The following CELSR1 variants were observed in gnomAD, a reference collection of about 807,000 sequenced individuals.
CELSR1 encodes cadherin EGF LAG seven-pass G-type receptor 1.
CELSR1 carries 110 observed loss-of-function variants against 249.1 expected under a neutral mutation model. The observed-to-expected ratio is 0.44, with a 90% CI of 0.38 to 0.52. CELSR1 has a LOEUF of 0.52. Among genes scored for constraint, CELSR1 ranks in the 20% least tolerant of loss-of-function variants. CELSR1 has a pLI of 0.00. For synonymous variants in CELSR1, 2,113 were observed against 1,900.0 expected (o/e 1.11, Z -2.92); for missense variants, 4,109 against 4,296.4 (o/e 0.96, Z 1.22).
chr22:46,474,812 G>A (rs1374272737), intron 1 of CELSR1, among the ~76,000 whole-genome samples: 5 of 13,548 alleles, frequency 3.7e-4, no homozygotes, highest in African/African-American at 9.0e-4. Context: ...TTTTTGAGAC[G>A]GAGTCTCACT....
At position 46,518,778 on chromosome 22, in the gene CELSR1, A is replaced by C. The variant is rs960118398; in HGVS notation, c.3544+14849T>G. Reference sequence around the variant, plus strand: ...TGGCTGGGCGCGGTGGCTCGCCTGTAATCCAGCACTTTGGGAGGCCAAGGC... The same window carrying C: ...TGGCTGGGCGCGGTGGCTCGCCTGTCATCCAGCACTTTGGGAGGCCAAGGC... On this transcript the variant is annotated intron_variant, in intron 1 of 34. Transcript: ENST00000674500. This position sits in a 1 kb window ranked among gnomAD's most constrained non-coding sequence, Gnocchi z 5.2. Among the ~76,000 whole-genome samples, 5 of 152,116 alleles carry C rather than the reference A, an allele frequency of 3.3e-5. No individual in the cohort carries two copies. Among genetic ancestry groups the C allele is most frequent in the Admixed American group, 2.6e-4 (4 of 15,260 alleles).
chr22:46,515,338 A>G (rs561079239), intron 1 of CELSR1, among the ~76,000 whole-genome samples: 22 of 152,358 alleles, frequency 1.4e-4, no homozygotes, highest in African/African-American at 5.3e-4. Flanking sequence ...CTCAGTGCGT[A>G]TCACAAAGGC....
chr22:46,502,404 AGAGGGAAGGGGAAAGGGGAGGGAAGGG>A, intron 1 of CELSR1, among the ~76,000 whole-genome samples: 1 of 123,174 alleles, frequency 8.1e-6, no homozygotes, highest in East Asian at 3.1e-4. Flanking sequence ...AGTGGAAAGA[AGAGGGAAGGGGAAAGGGGAGGGAAGGG>A]GAGGGAAGGG....
At chr22:46,528,821 C>G (rs924484165) in intron 1 of CELSR1, among the ~76,000 whole-genome samples, 52 of 151,258 alleles carry the variant, frequency 3.4e-4, no homozygotes, top group Non-Finnish European at 5.2e-4. Flanking sequence ...CCCAGCTACT[C>G]GGGAGGCTGA....
In CELSR1 at chr22:46,440,778, G is replaced by A. The variant is rs564472154; in HGVS notation, c.4184-1367C>T. On this transcript the variant is annotated intron_variant, in intron 2 of 34. Transcript: ENST00000674500. The surrounding 1 kb of genome is among the most constrained non-coding windows in gnomAD (Gnocchi z 4.7). ...TAACATTAGGTTTTATGTATTTGTA[G>A]CCCCACAGAAATTTTTTGTCTGTAT... Among the ~76,000 whole-genome samples, 6 of 152,168 alleles carry A rather than the reference G, an allele frequency of 3.9e-5. No individual in the cohort carries two copies. In the East Asian group the frequency reaches 1.2e-3, roughly 29 times the overall value.
chr22:46,508,920 T>C (rs1048657512), intron 1 of CELSR1, among the ~76,000 whole-genome samples: 3 of 152,028 alleles, frequency 2.0e-5, no homozygotes, highest in Admixed American at 6.6e-5. Flanking sequence ...GCGGCTACGA[T>C]GGTCAAAGCA....
At position 46,412,229 on chromosome 22, in the gene CELSR1, G is replaced by A. The variant is rs543123163; in HGVS notation, c.4612-470C>T. Among the ~76,000 whole-genome samples, 3 of 152,246 alleles carry A rather than the reference G, an allele frequency of 2.0e-5. No homozygotes were observed. The highest frequency in any genetic ancestry group is 3.9e-4 in the East Asian group (2 of 5,176). ...CCCCTTCAGCCTTCGGAGGAGGCAC[G>A]GCCCTACCCGCGCCTTGACTTCTAG... is the stretch of plus-strand genomic sequence containing the variant. On this transcript the variant is annotated intron_variant, in intron 5 of 34. Coordinates refer to ENST00000674500, the MANE Select transcript of CELSR1 (RefSeq NM_001378328.1). The surrounding 1 kb of genome is among the most constrained non-coding windows in gnomAD (Gnocchi z 4.5).
chr22:46,373,694 AGGGGGAGATGGGGGAGATGGGGGAG>A (rs2078885165), intron 24 of CELSR1, among the ~76,000 whole-genome samples: 1 of 26,108 alleles, frequency 3.8e-5, no homozygotes, highest in African/African-American at 1.3e-4. Context: ...ATGGGGGAGA[AGGGGGAGATGGGGGAGATGGGGGAG>A]ATGGGAGCAA....
chr22:46,492,035 G>C (rs1005305156), intron 1 of CELSR1, among the ~76,000 whole-genome samples: 5 of 152,190 alleles, frequency 3.3e-5, no homozygotes, highest in African/African-American at 1.2e-4. Context: ...CAAAAGGCTG[G>C]GCAAGGCTGA....
At chr22:46,372,795 G>A in intron 25 of CELSR1, 88 bp downstream of exon 25, 3 of 1,474,732 alleles carry the variant, frequency 2.0e-6, no homozygotes, top group Non-Finnish European at 2.7e-6. Flanking sequence ...GGGCTGGGCA[G>A]GGAAGAGAAA....
Position 46,433,370 on chromosome 22 carries a change from G to T in CELSR1, c.4611+23C>A, listed in dbSNP as rs1292522866. On this transcript the variant is annotated intron_variant, in intron 5 of 34. Coordinates refer to ENST00000674500, the MANE Select transcript of CELSR1 (RefSeq NM_001378328.1). This position sits in a 1 kb window ranked among gnomAD's most constrained non-coding sequence, Gnocchi z 5.7. ...TTCTCGAGCCGCCCTGGGGCCAGGGGGAAGTGGTGGGGCCCATCTTACCTT... is the reference window on the plus strand; with the variant it reads ...TTCTCGAGCCGCCCTGGGGCCAGGGTGAAGTGGTGGGGCCCATCTTACCTT... The T allele has an allele frequency of 2.5e-6, 4 of 1,600,586 alleles. No homozygotes were observed. The highest frequency in any genetic ancestry group is 3.4e-6 in the Non-Finnish European group (4 of 1,169,108).
intron 32 of CELSR1, 62 bp downstream of exon 32, chr22:46,365,169 A>T: frequency 6.4e-7 from 1 of 1,557,106 alleles, no homozygotes; most frequent in Non-Finnish European, 8.7e-7. Flanking sequence ...AGCCATAGCC[A>T]AGGCCTGCCC....
intron 27 of CELSR1, among the ~76,000 whole-genome samples, 198 bp from the exon 28 acceptor site, chr22:46,368,053 G>C (rs1388972683): frequency 2.6e-5 from 4 of 152,234 alleles, no homozygotes; most frequent in Admixed American, 1.3e-4. Flanking sequence ...GAACCAGACA[G>C]AGCTCGTGTT....
intron 24 of CELSR1, among the ~76,000 whole-genome samples, chr22:46,375,255 C>G (rs1180377210): frequency 6.6e-6 from 1 of 152,198 alleles, no homozygotes; most frequent in Non-Finnish European, 1.5e-5. Context: ...AGGCGGCCTC[C>G]CTGGCTCATG....
chr22:46,436,100 G>A lies in CELSR1; in HGVS notation c.4522+74C>T. ...GTAAGCAGCTTGGAGGCGCTGCACAGGGCGAGGGTCGTTTTAACCCACAAA... is the reference window on the plus strand; with the variant it reads ...GTAAGCAGCTTGGAGGCGCTGCACAAGGCGAGGGTCGTTTTAACCCACAAA... On this transcript the variant is annotated intron_variant, in intron 4 of 34. Coordinates refer to ENST00000674500, the MANE Select transcript of CELSR1 (RefSeq NM_001378328.1). This position sits in a 1 kb window ranked among gnomAD's most constrained non-coding sequence, Gnocchi z 5.9. 8.5e-7 allele frequency: 1 copy of A among 1,173,118 alleles called. No individual in the cohort carries two copies. The highest frequency in any genetic ancestry group is 1.3e-6 in the Non-Finnish European group (1 of 790,572). 72.7% of individuals were successfully genotyped at this position (1,173,118 alleles called of 1,614,324 possible).
At chr22:46,422,386 G>A (rs995240379) in intron 5 of CELSR1, among the ~76,000 whole-genome samples, 1 of 151,950 alleles carries the variant, frequency 6.6e-6, no homozygotes, top group South Asian at 2.1e-4. Flanking sequence ...AGGATTACAG[G>A]CGTGAGCCAC....
At chr22:46,502,993 C>G (rs117198444) in intron 1 of CELSR1, among the ~76,000 whole-genome samples, 1 of 152,156 alleles carries the variant, frequency 6.6e-6, no homozygotes, top group Admixed American at 6.5e-5. Context: ...ATCAAAGGCT[C>G]GAGTTGGAAG....
chr22:46,373,097 C>A, intron 24 of CELSR1, 40 bp from the exon 25 acceptor site: 1 of 1,535,176 alleles, frequency 6.5e-7, no homozygotes, highest in Non-Finnish European at 8.8e-7. Context: ...CCCCTGCATC[C>A]CAGGCTGAGG....
chr22:46,398,539 G>A lies in CELSR1; in HGVS notation c.5511C>T (p.Phe1837=). 6.2e-7 allele frequency: 1 copy of A among 1,612,008 alleles called. No homozygotes were observed. Among genetic ancestry groups the A allele is most frequent in the East Asian group, 2.2e-5 (1 of 44,804 alleles). ...CCCCACGCACCTGCATGCAGCCTCG[G>A]AATCCACGGCGCACGGAGACCTTGT... The part of the protein sequence containing the change: ...SEDKVSVRRG[F]RGCMQGVRMG... Residue 1837 remains phenylalanine, a synonymous_variant, in exon 11 of 35, where the codon TTC becomes TTT. Coordinates refer to ENST00000674500, the MANE Select transcript of CELSR1 (RefSeq NM_001378328.1). The surrounding 1 kb of genome is among the most constrained non-coding windows in gnomAD (Gnocchi z 7.2).
Sources: allele counts gnomAD v4.1 joint callset (sites outside exome capture counted in the v4.1 genomes callset), GRCh38; gene constraint gnomAD v4.1.1; non-coding constraint Gnocchi (gnomAD v3.1); transcripts MANE v1.5; gene names NCBI Gene and HGNC (gene_info 2026-07-23, HGNC 2026-07-21).